The following CSNK2A2IP variants were observed in gnomAD, a reference collection of about 807,000 sequenced individuals.
CSNK2A2IP encodes casein kinase II subunit alpha'-interacting protein.
At chr3:88,435,636 T>C in the CSNK2A2IP span, among the ~76,000 whole-genome samples, 1 of 152,164 alleles carries the variant, frequency 6.6e-6, no homozygotes, top group African/African-American at 2.4e-5. Context: ...TCCTCTTTTC[T>C]ATTACTTGCG....
chr3:88,454,431 A>T, the CSNK2A2IP span, among the ~76,000 whole-genome samples: 13 of 151,746 alleles, frequency 8.6e-5, no homozygotes, highest in South Asian at 2.1e-3. Context: ...GATAAAGTTC[A>T]ATTTATTCGT....
chr3:88,384,569 C>G, the CSNK2A2IP span, among the ~76,000 whole-genome samples: 1 of 151,980 alleles, frequency 6.6e-6, no homozygotes, highest in Non-Finnish European at 1.5e-5. Flanking sequence ...ATGAAAAGAT[C>G]CTGGTAGGAG....
the CSNK2A2IP span, among the ~76,000 whole-genome samples, chr3:88,404,913 G>A: frequency 6.6e-6 from 1 of 152,234 alleles, no homozygotes. Flanking sequence ...TGCTAAGTCA[G>A]TTTAATAAGA....
At chr3:88,373,133 CTAAT>C in the CSNK2A2IP span, among the ~76,000 whole-genome samples, 1 of 151,280 alleles carries the variant, frequency 6.6e-6, no homozygotes, top group South Asian at 2.1e-4. Context: ...ATGATTTGAC[CTAAT>C]TGTTATTTAT....
chr3:88,376,501 T>A, the CSNK2A2IP span, among the ~76,000 whole-genome samples: 1 of 151,794 alleles, frequency 6.6e-6, no homozygotes, highest in Non-Finnish European at 1.5e-5. Flanking sequence ...CCCCTCCCAC[T>A]CCAAGGCTGA....
At chr3:88,360,164 C>G in the CSNK2A2IP span, among the ~76,000 whole-genome samples, 1 of 145,432 alleles carries the variant, frequency 6.9e-6, no homozygotes, top group South Asian at 2.2e-4. Context: ...GAGATGGAGT[C>G]TCTCTCTGTT....
the CSNK2A2IP span, among the ~76,000 whole-genome samples, chr3:88,340,717 G>A: frequency 2.6e-5 from 4 of 151,928 alleles, no homozygotes; most frequent in African/African-American, 9.7e-5. Context: ...ATAACTGCTT[G>A]AACTTTCTTA....
chr3:88,342,239 A>G, the CSNK2A2IP span, among the ~76,000 whole-genome samples: 1 of 152,042 alleles, frequency 6.6e-6, no homozygotes, highest in Non-Finnish European at 1.5e-5. Flanking sequence ...AAGTTAGCCT[A>G]AAGCTGCCTC....
chr3:88,402,548 G>A, the CSNK2A2IP span, among the ~76,000 whole-genome samples: 1 of 152,068 alleles, frequency 6.6e-6, no homozygotes, highest in East Asian at 1.9e-4. Context: ...TTTATATACA[G>A]CAGTCACAAT....
At chr3:88,399,214 A>G in the CSNK2A2IP span, among the ~76,000 whole-genome samples, 2 of 152,200 alleles carry the variant, frequency 1.3e-5, no homozygotes. Flanking sequence ...GTTATTGTGA[A>G]TTCTATTACG....
chr3:88,451,354 A>ATACC, the CSNK2A2IP span, among the ~76,000 whole-genome samples: 11 of 151,542 alleles, frequency 7.3e-5, no homozygotes, highest in African/African-American at 2.2e-4. Flanking sequence ...GCCTTTTAAT[A>ATACC]TACCTATTGG....
At chr3:88,354,367 T>C in the CSNK2A2IP span, among the ~76,000 whole-genome samples, 1 of 152,146 alleles carries the variant, frequency 6.6e-6, no homozygotes, top group Non-Finnish European at 1.5e-5. Context: ...CAATAAGAGG[T>C]AGTTGCCATT....
At chr3:88,414,432 C>T in the CSNK2A2IP span, among the ~76,000 whole-genome samples, 4 of 150,880 alleles carry the variant, frequency 2.7e-5, no homozygotes, top group East Asian at 7.8e-4. Context: ...ACAGGCGTGC[C>T]CCAACACGCC....
chr3:88,405,678 C>T, the CSNK2A2IP span, among the ~76,000 whole-genome samples: 1 of 152,146 alleles, frequency 6.6e-6, no homozygotes, highest in Non-Finnish European at 1.5e-5. Flanking sequence ...ATTTATTAAA[C>T]TCTCTTCCAA....
At chr3:88,350,916 A>G in the CSNK2A2IP span, among the ~76,000 whole-genome samples, 3 of 152,012 alleles carry the variant, frequency 2.0e-5, no homozygotes, top group Admixed American at 1.3e-4. Context: ...AGACATGCAC[A>G]CTCACATTTT....
At chr3:88,391,998 C>A in the CSNK2A2IP span, among the ~76,000 whole-genome samples, 2 of 152,004 alleles carry the variant, frequency 1.3e-5, no homozygotes, top group Admixed American at 1.3e-4. Context: ...CATTGATGAG[C>A]GCTTTAATGG....
chr3:88,386,786 C>T, the CSNK2A2IP span, among the ~76,000 whole-genome samples: 21 of 152,114 alleles, frequency 1.4e-4, no homozygotes, highest in Non-Finnish European at 2.5e-4. Context: ...ATGACAAAGA[C>T]CAGAGTTTGA....
chr3:88,387,289 G>A, the CSNK2A2IP span, among the ~76,000 whole-genome samples: 2 of 151,480 alleles, frequency 1.3e-5, no homozygotes, highest in African/African-American at 2.4e-5. Context: ...AGCCCCCCGA[G>A]TAGCTAAGAT....
the CSNK2A2IP span, chr3:88,467,164 A>C: frequency 1.2e-5 from 5 of 402,552 alleles, no homozygotes; most frequent in Non-Finnish European, 2.2e-5. Flanking sequence ...TAAAAAAAAT[A>C]ATTCTCAGCC....
Sources: gnomAD v4.1 joint callset for allele counts (sites outside exome capture counted in the v4.1 genomes callset) on GRCh38, gnomAD v4.1.1 for gene constraint, MANE v1.5 for transcripts, NCBI Gene and HGNC (gene_info 2026-07-23, HGNC 2026-07-21) for gene names.